The following DOCK8 variants were observed in gnomAD, a reference collection of about 807,000 sequenced individuals.
DOCK8 encodes dedicator of cytokinesis 8, also known as dedicator of cytokinesis protein 8.
Under a neutral mutation model 245.6 loss-of-function variants are expected in DOCK8, and 141 were observed. The observed-to-expected ratio is 0.57, with a 90% CI of 0.50 to 0.66. The LOEUF (loss-of-function observed/expected upper bound fraction) is 0.66. Ranked by LOEUF, DOCK8 falls within the 30% of genes least tolerant of loss-of-function variation. The probability of loss-of-function intolerance (pLI) is 0.00; values close to 1 mark genes in which losing one functional copy is unlikely to be tolerated. For missense variants in DOCK8, 2,965 were observed against 2,603.4 expected (o/e 1.14, Z -3.02); for synonymous variants, 1,168 against 970.2 (o/e 1.20, Z -3.79).
intron 25 of DOCK8, among the ~76,000 whole-genome samples, 159 bp downstream of exon 25, chr9:397,093 G>A (rs966313636): frequency 6.6e-6 from 1 of 152,100 alleles, no homozygotes; most frequent in Non-Finnish European, 1.5e-5. Context: ...CCCTGATGTG[G>A]GGCTGGAAAA....
intron 1 of DOCK8, among the ~76,000 whole-genome samples, chr9:246,659 A>T (rs1234591325): frequency 2.0e-5 from 3 of 152,168 alleles, no homozygotes. Flanking sequence ...TGTTTGAAAA[A>T]TTTTTAATAT....
intron 1 of DOCK8, among the ~76,000 whole-genome samples, chr9:255,860 C>G (rs2047760409): frequency 6.6e-6 from 1 of 151,974 alleles, no homozygotes; most frequent in South Asian, 2.1e-4. Flanking sequence ...AATACCTCTT[C>G]CCCTCAAAAT....
chr9:255,668 C>CAAAAAAA, intron 1 of DOCK8, among the ~76,000 whole-genome samples: 1 of 23,514 alleles, frequency 4.3e-5, no homozygotes, highest in South Asian at 1.8e-3. Flanking sequence ...ACTCCATCTC[C>CAAAAAAA]AAAAAAAAAA....
intron 44 of DOCK8, among the ~76,000 whole-genome samples, chr9:448,982 A>T (rs1297298808): frequency 6.6e-6 from 1 of 152,250 alleles, no homozygotes; most frequent in African/African-American, 2.4e-5. Context: ...CACAGGTGAT[A>T]TCAAAAGCCT....
At chr9:249,682 A>G (rs746612502) in intron 1 of DOCK8, among the ~76,000 whole-genome samples, 1 of 152,012 alleles carries the variant, frequency 6.6e-6, no homozygotes, top group African/African-American at 2.4e-5. Context: ...CAGTGGCACA[A>G]TCTTGGCTCA....
intron 26 of DOCK8, among the ~76,000 whole-genome samples, chr9:404,323 C>A (rs1381882304): frequency 6.6e-6 from 1 of 151,982 alleles, no homozygotes; most frequent in East Asian, 1.9e-4. Context: ...ACTCTTCTAG[C>A]TTTCTTTCTC....
At chr9:290,105 A>G (rs938760266) in intron 4 of DOCK8, among the ~76,000 whole-genome samples, 1 of 152,058 alleles carries the variant, frequency 6.6e-6, no homozygotes, top group African/African-American at 2.4e-5. Flanking sequence ...TGGCTGTACC[A>G]TTGTTTATTT....
chr9:286,753 T>C lies in DOCK8; in HGVS notation c.332+117T>C, dbSNP rs2130299023. ...AAATAAAATAAAATTACTCAATCCA[T>C]TCAAATGTGTGGGACAGCTATATGA... On this transcript the variant is annotated intron_variant, in intron 3 of 47. Transcript: ENST00000432829. 6.2e-6 allele frequency: 6 copies of C among 974,184 alleles called. No individual in the cohort carries two copies. In the East Asian group the frequency reaches 1.6e-4, roughly 25 times the overall value. 60.3% of individuals were successfully genotyped at this position (974,184 alleles called of 1,614,324 possible). A position where few individuals can be genotyped will look rare whatever the true frequency, so the allele number is the denominator to read the frequency against.
chr9:303,834 C>G (rs1028483725), intron 4 of DOCK8, among the ~76,000 whole-genome samples: 2 of 152,176 alleles, frequency 1.3e-5, no homozygotes, highest in Non-Finnish European at 2.9e-5. Context: ...TATCCCGTAT[C>G]CTCAATAAAA....
chr9:286,044 A>C (rs1346652152), intron 2 of DOCK8, among the ~76,000 whole-genome samples: 1 of 152,192 alleles, frequency 6.6e-6, no homozygotes, highest in African/African-American at 2.4e-5. Flanking sequence ...AGGAGTGTTG[A>C]GTTTGCCTGG....
intron 4 of DOCK8, 64 bp downstream of exon 4, chr9:289,645 ATTTC>A (rs2048960143): frequency 7.2e-7 from 1 of 1,396,256 alleles, no homozygotes; most frequent in Non-Finnish European, 9.9e-7. Flanking sequence ...GTTTTTAAAT[ATTTC>A]TTAATACTTT....
chr9:446,671 A>G, intron 44 of DOCK8, 65 bp downstream of exon 44: 2 of 1,418,426 alleles, frequency 1.4e-6, no homozygotes, highest in Non-Finnish European at 2.0e-6. Flanking sequence ...AGGAGGACCC[A>G]CAAACCTCTT....
At chr9:249,104 G>T (rs10966134) in intron 1 of DOCK8, among the ~76,000 whole-genome samples, 1,580 of 152,250 alleles carry the variant, frequency 0.01, 23 homozygotes, top group African/African-American at 0.036. Flanking sequence ...TCCCTCACCT[G>T]GGACTGCATA....
chr9:282,858 G>A (rs979945227), intron 2 of DOCK8, among the ~76,000 whole-genome samples: 1 of 152,146 alleles, frequency 6.6e-6, no homozygotes, highest in Admixed American at 6.5e-5. Context: ...CTATGCTTCA[G>A]TATAATTTTG....
chr9:327,688 C>T (rs2050825737), intron 8 of DOCK8, among the ~76,000 whole-genome samples: 1 of 152,200 alleles, frequency 6.6e-6, no homozygotes, highest in Non-Finnish European at 1.5e-5. Flanking sequence ...TGAACCACCA[C>T]ACCCAGTCCT....
intron 44 of DOCK8, among the ~76,000 whole-genome samples, chr9:447,935 G>C (rs1400793528): frequency 6.6e-6 from 1 of 152,186 alleles, no homozygotes; most frequent in Non-Finnish European, 1.5e-5. Flanking sequence ...TATACTTCTT[G>C]GTTTGGACTT....
At chr9:460,702 T>C (rs1323845504) in intron 46 of DOCK8, among the ~76,000 whole-genome samples, 1 of 152,264 alleles carries the variant, frequency 6.6e-6, no homozygotes, top group African/African-American at 2.4e-5. Flanking sequence ...CCTTCTTCTA[T>C]AGCAGGCTAA....
chr9:433,931 G>A lies in DOCK8; in HGVS notation c.4842G>A (p.Arg1614=), dbSNP rs745690211. 5 of 1,613,964 alleles carry A rather than the reference G, an allele frequency of 3.1e-6. No homozygotes were observed. The highest frequency in any genetic ancestry group is 1.7e-5 in the Admixed American group (1 of 60,004). The change falls in exon 38 of 48, where the codon AGG becomes AGA. Residue 1614 remains arginine, a synonymous_variant. Coordinates refer to ENST00000432829, the MANE Select transcript of DOCK8 (RefSeq NM_203447.4). ...TCTTATATGACACAGTGAAAATGAG[G>A]GAATTTCAGGAAGATCCTGAGATGC... ...NSILYDTVKM[R]EFQEDPEMLM...
chr9:286,311 G>A (rs972172407), intron 2 of DOCK8, 150 bp from the exon 3 acceptor site: 1 of 815,666 alleles, frequency 1.2e-6, no homozygotes, highest in South Asian at 1.8e-5. Context: ...TTCTGTGTTT[G>A]ACAGCTCCTC....
Sources: allele counts gnomAD v4.1 joint callset (sites outside exome capture counted in the v4.1 genomes callset), GRCh38; gene constraint gnomAD v4.1.1; transcripts MANE v1.5; gene names NCBI Gene and HGNC (gene_info 2026-07-23, HGNC 2026-07-21).